Variants in PTPRO observed in about 807,000 individuals in gnomAD.
PTPRO encodes the protein protein tyrosine phosphatase receptor type O, also known as receptor-type tyrosine-protein phosphatase O.
PTPRO carries 62 observed loss-of-function variants against 145.2 expected under a neutral mutation model. The observed-to-expected ratio is 0.43, with a 90% confidence interval of 0.35 to 0.53. The LOEUF is 0.53. PTPRO is among the 20% of genes least tolerant of loss of function. The probability of loss-of-function intolerance (pLI) is 0.01; values close to 1 mark genes in which losing one functional copy is unlikely to be tolerated. For synonymous variants in PTPRO, 565 were observed against 514.7 expected, an observed-to-expected ratio of 1.10 and a Z score of -1.32; for missense variants, 1,345 against 1,482.7, an observed-to-expected ratio of 0.91 and a Z score of 1.53.
At chr12:15,574,515 G>T (rs1944135096) in intron 19 of PTPRO, among the ~76,000 whole-genome samples, 2 of 152,212 alleles carry the variant, frequency 1.3e-5, no homozygotes, top group African/African-American at 4.8e-5. Context: ...CAAAACTACA[G>T]AACTGGCCAT....
intron 2 of PTPRO, among the ~76,000 whole-genome samples, chr12:15,496,162 T>TTTTTTTTTTTTC (rs1942101920): frequency 6.9e-6 from 1 of 144,996 alleles, no homozygotes; most frequent in Admixed American, 7.0e-5. Flanking sequence ...TTTTTTTTTT[T>TTTTTTTTTTTTC]TTGAGATTTC....
chr12:15,511,922 C>A (rs187564631), intron 7 of PTPRO, among the ~76,000 whole-genome samples: 56 of 152,156 alleles, frequency 3.7e-4, no homozygotes, highest in Non-Finnish European at 6.5e-4. Flanking sequence ...TTAGAATCAA[C>A]TCATAAAATA....
chr12:15,384,239 C>A (rs1468532875), intron 1 of PTPRO, among the ~76,000 whole-genome samples: 2 of 152,120 alleles, frequency 1.3e-5, no homozygotes, highest in Non-Finnish European at 2.9e-5. Context: ...TTTTGATTTA[C>A]AATGCTGATT....
intron 1 of PTPRO, among the ~76,000 whole-genome samples, chr12:15,411,992 T>A (rs1310594455): frequency 6.6e-6 from 1 of 152,190 alleles, no homozygotes; most frequent in Non-Finnish European, 1.5e-5. Flanking sequence ...TGTCCAGTCA[T>A]CTACCAAGAT....
intron 1 of PTPRO, among the ~76,000 whole-genome samples, chr12:15,341,349 G>A (rs2136216204): frequency 6.6e-6 from 1 of 152,136 alleles, no homozygotes; most frequent in Admixed American, 6.5e-5. Flanking sequence ...TGTCTCTTTA[G>A]TATATATCCC....
intron 18 of PTPRO, among the ~76,000 whole-genome samples, chr12:15,567,245 G>T (rs1943923417): frequency 6.6e-6 from 1 of 151,866 alleles, no homozygotes; most frequent in Non-Finnish European, 1.5e-5. Context: ...TTTCTTGAAA[G>T]GCTTTCCTCT....
intron 1 of PTPRO, among the ~76,000 whole-genome samples, chr12:15,447,116 A>C (rs1455811413): frequency 6.6e-6 from 1 of 152,134 alleles, no homozygotes; most frequent in Non-Finnish European, 1.5e-5. Flanking sequence ...GGAAAGAATA[A>C]GGTTTTAGAG....
intron 1 of PTPRO, among the ~76,000 whole-genome samples, chr12:15,465,614 G>A (rs1941398378): frequency 6.6e-6 from 1 of 152,208 alleles, no homozygotes; most frequent in African/African-American, 2.4e-5. Flanking sequence ...GATTCTTTCT[G>A]GGGTATCCTA....
intron 16 of PTPRO, 79 bp from the exon 17 acceptor site, chr12:15,560,114 C>A: frequency 1.0e-6 from 1 of 970,390 alleles, no homozygotes; most frequent in Non-Finnish European, 1.7e-6. Flanking sequence ...AGGTAATTTA[C>A]TGATATCTAT....
chr12:15,412,177 C>T lies in PTPRO; in HGVS notation c.76-71797C>T, dbSNP rs187077817. On this transcript the variant is annotated intron_variant, in intron 1 of 26. Transcript: ENST00000281171. ...GGGAAGAAAAGCATTTGAAAAAATGCCTTACAATGTCATTATTTCCTGCCC... is the reference window on the plus strand; with the variant it reads ...GGGAAGAAAAGCATTTGAAAAAATGTCTTACAATGTCATTATTTCCTGCCC... 2.9e-3 allele frequency among the ~76,000 whole-genome samples: 448 copies of T among 152,288 alleles called. 4 individuals are homozygous for T. Among genetic ancestry groups the T allele is most frequent in the Non-Finnish European group, 5.0e-3 (337 of 68,030 alleles).
At chr12:15,532,587 G>T (rs1022672771) in intron 12 of PTPRO, among the ~76,000 whole-genome samples, 24 of 152,150 alleles carry the variant, frequency 1.6e-4, no homozygotes, top group African/African-American at 5.3e-4. Flanking sequence ...GGGCACTAGT[G>T]CCCCAATTGA....
intron 1 of PTPRO, among the ~76,000 whole-genome samples, chr12:15,335,803 T>C (rs373047559): frequency 3.9e-5 from 6 of 152,146 alleles, no homozygotes; most frequent in South Asian, 4.1e-4. Flanking sequence ...TACAGTTGCA[T>C]CTTTAAACCC....
At chr12:15,568,969 C>T (rs954359269) in intron 18 of PTPRO, among the ~76,000 whole-genome samples, 15 of 152,156 alleles carry the variant, frequency 9.9e-5, no homozygotes, top group Non-Finnish European at 1.9e-4. Flanking sequence ...GCTGTAACTA[C>T]TGTATTTTAT....
intron 1 of PTPRO, among the ~76,000 whole-genome samples, chr12:15,461,333 G>A (rs924545260): frequency 6.6e-6 from 1 of 152,100 alleles, no homozygotes; most frequent in Non-Finnish European, 1.5e-5. Flanking sequence ...TTTCTTAAAT[G>A]TATTTGATTG....
chr12:15,440,181 A>G (rs541910149), intron 1 of PTPRO: 244 of 691,244 alleles, frequency 3.5e-4, no homozygotes, highest in South Asian at 5.8e-4. Flanking sequence ...GCTGGTATCA[A>G]TGACTGCTAC....
chr12:15,435,484 T>A (rs1398102288), intron 1 of PTPRO, among the ~76,000 whole-genome samples: 1 of 152,160 alleles, frequency 6.6e-6, no homozygotes, highest in Non-Finnish European at 1.5e-5. Context: ...CTGTATTGAA[T>A]ATAAATCTGT....
rs1206300016 is a variant in PTPRO, at chr12:15,586,956, G to T, written c.3315G>T (p.Val1105=). Reference sequence around the variant, plus strand: ...ACACTGCATGGCCTGATCATGGTGTGCCCACAGCAAATGCTGCAGAAAGTA... The same window carrying T: ...ACACTGCATGGCCTGATCATGGTGTTCCCACAGCAAATGCTGCAGAAAGTA... ...FNYTAWPDHG[V]PTANAAESIL... The change falls in exon 24 of 27, where the codon GTG becomes GTT. Residue 1105 remains valine, a synonymous_variant. Coordinates refer to ENST00000281171, the MANE Select transcript of PTPRO (RefSeq NM_030667.3). The T allele has an allele frequency of 6.2e-7, 1 of 1,614,092 alleles. No homozygotes were observed. Among genetic ancestry groups the T allele is most frequent in the South Asian group, 1.1e-5 (1 of 91,082 alleles).
At position 15,322,669 on chromosome 12, in the gene PTPRO, C is replaced by CCGCCGCCGGGGGAGTCCGCTAG; in HGVS notation, c.-54_-33dup. 1 of 1,476,248 alleles carries CCGCCGCCGGGGGAGTCCGCTAG rather than the reference C, an allele frequency of 6.8e-7. No individual in the cohort carries two copies. Among genetic ancestry groups the CCGCCGCCGGGGGAGTCCGCTAG allele is most frequent in the Non-Finnish European group, 9.3e-7 (1 of 1,075,878 alleles). The allele number at this position is 1,476,248 out of a possible 1,614,324, so 91.4% of individuals were successfully genotyped here. A position where few individuals can be genotyped will look rare whatever the true frequency, so the allele number is the denominator to read the frequency against. On this transcript the variant is annotated 5_prime_UTR_variant, in exon 1 of 27. Transcript: ENST00000281171. This position sits in a 1 kb window ranked among gnomAD's most constrained non-coding sequence, Gnocchi z 6.3. Reference sequence around the variant, plus strand: ...TGCAGCCCCAGTTCGCCATTGTGAGCCGCCGCCGGGGGAGTCCGCTAGCGC... The same window carrying CCGCCGCCGGGGGAGTCCGCTAG: ...TGCAGCCCCAGTTCGCCATTGTGAGCCGCCGCCGGGGGAGTCCGCTAGCGCCGCCGGGGGAGTCCGCTAGCGC...
rs76944205 is a variant in PTPRO at position 15,443,113 on chromosome 12, C to T, written c.76-40861C>T. ...GTACCAAAACAGCATGGTACTCTTA[C>T]GAAAAGAGACACGTAGACCAATGGA... On this transcript the variant is annotated intron_variant, in intron 1 of 26. Transcript: ENST00000281171. Among the ~76,000 whole-genome samples the T allele has an allele frequency of 5.1e-3, 776 of 152,184 alleles. 9 individuals are homozygous for T. The highest frequency in any genetic ancestry group is 0.017 in the African/African-American group (718 of 41,516).
Sources: allele counts gnomAD v4.1 joint callset (sites outside exome capture counted in the v4.1 genomes callset), GRCh38; gene constraint gnomAD v4.1.1; non-coding constraint Gnocchi (gnomAD v3.1); transcripts MANE v1.5; gene names NCBI Gene and HGNC (gene_info 2026-07-23, HGNC 2026-07-21).